The following RABEP1 variants were observed in gnomAD, a reference collection of about 807,000 sequenced individuals.
RABEP1 encodes the protein rabaptin, RAB GTPase binding effector protein 1, also known as rab GTPase-binding effector protein 1.
A neutral mutation model predicts 123.4 loss-of-function variants in RABEP1; 51 were observed. The ratio of observed to expected loss-of-function variants is 0.41; its 90% CI spans 0.33 to 0.52. RABEP1 has a LOEUF of 0.52. Ranked by LOEUF, RABEP1 falls within the 20% of genes least tolerant of loss-of-function variation. The probability of loss-of-function intolerance (pLI) is 0.16; values close to 1 mark genes in which losing one functional copy is unlikely to be tolerated. For synonymous variants in RABEP1, 347 were observed against 355.2 expected, an observed-to-expected ratio of 0.98 and a Z score of 0.26; for missense variants, 888 against 996.3, an observed-to-expected ratio of 0.89 and a Z score of 1.46.
chr17:5,370,205 T>C (rs1910418538), intron 12 of RABEP1, among the ~76,000 whole-genome samples: 1 of 152,216 alleles, frequency 6.6e-6, no homozygotes, highest in Admixed American at 6.5e-5. Context: ...TCTTAGTCTT[T>C]CTGTGTATGT....
At chr17:5,325,261 G>A (rs576278642) in intron 2 of RABEP1, among the ~76,000 whole-genome samples, 5 of 152,168 alleles carry the variant, frequency 3.3e-5, no homozygotes, top group Admixed American at 1.3e-4. Flanking sequence ...GCTTGAACCC[G>A]GGAGGTGGAG....
intron 2 of RABEP1, among the ~76,000 whole-genome samples, chr17:5,321,139 G>A (rs148181407): frequency 1.1e-3 from 174 of 151,746 alleles, no homozygotes; most frequent in Non-Finnish European, 1.7e-3. Context: ...GTGAGACCCT[G>A]GCTCTACAAA....
At chr17:5,320,020 C>A (rs1426520892) in intron 2 of RABEP1, among the ~76,000 whole-genome samples, 1 of 152,042 alleles carries the variant, frequency 6.6e-6, no homozygotes, top group Non-Finnish European at 1.5e-5. Context: ...TATCCACATG[C>A]AGGAAGGCCA....
At position 5,361,522 on chromosome 17, in the gene RABEP1, A is replaced by C. The variant is rs1259746734; in HGVS notation, c.1410A>C (p.Lys470Asn). 6.2e-7 allele frequency: 1 copy of C among 1,614,206 alleles called. No homozygotes were observed. ...LQMPSGFMLTKDQERAIKAMT... is the reference protein window; with the variant it reads ...LQMPSGFMLTNDQERAIKAMT... ...TGCCAAGTGGGTTTATGTTAACCAA[A>C]GATCAGGAAAGAGCAATCAAGGCGA... The change falls in exon 9 of 18, where the codon AAA (lysine) becomes AAC (asparagine). Residue 470 changes from lysine (K) to asparagine (N), a missense_variant. Coordinates refer to ENST00000537505, the MANE Select transcript of RABEP1 (RefSeq NM_004703.6).
At chr17:5,335,610 T>G (rs897467272) in intron 4 of RABEP1, among the ~76,000 whole-genome samples, 1 of 152,196 alleles carries the variant, frequency 6.6e-6, no homozygotes, top group Non-Finnish European at 1.5e-5. Flanking sequence ...AACTTCCCTC[T>G]GCCACCTGTC....
intron 1 of RABEP1, among the ~76,000 whole-genome samples, chr17:5,294,167 G>A (rs2075058640): frequency 6.6e-6 from 1 of 152,106 alleles, no homozygotes; most frequent in South Asian, 2.1e-4. Context: ...GGAGGCTGAG[G>A]CGGGGGAATC....
chr17:5,352,805 T>C (rs1321794296), intron 7 of RABEP1, among the ~76,000 whole-genome samples: 1 of 152,110 alleles, frequency 6.6e-6, no homozygotes, highest in African/African-American at 2.4e-5. Context: ...CACTCCAGCC[T>C]GGGTGACAAA....
intron 1 of RABEP1, among the ~76,000 whole-genome samples, chr17:5,289,198 A>G (rs967919049): frequency 2.8e-5 from 4 of 141,758 alleles, no homozygotes; most frequent in Admixed American, 1.5e-4. Context: ...CTCTTCTACT[A>G]TGAGTTGCTG....
intron 13 of RABEP1, among the ~76,000 whole-genome samples, chr17:5,376,810 GTAT>G (rs1911031962): frequency 6.6e-6 from 1 of 152,064 alleles, no homozygotes; most frequent in Non-Finnish European, 1.5e-5. Context: ...GGATTCTAAG[GTAT>G]TATTTCTATT....
intron 6 of RABEP1, among the ~76,000 whole-genome samples, chr17:5,349,060 C>T (rs1908303713): frequency 6.6e-6 from 1 of 152,178 alleles, no homozygotes; most frequent in Non-Finnish European, 1.5e-5. Context: ...CTACCTCCAG[C>T]CCTTGGCAAC....
intron 1 of RABEP1, among the ~76,000 whole-genome samples, chr17:5,295,814 T>G (rs1184588318): frequency 6.6e-6 from 1 of 152,202 alleles, no homozygotes; most frequent in African/African-American, 2.4e-5. Flanking sequence ...TCTTCAGTTT[T>G]CTGCTTTCTT....
chr17:5,292,787 T>C (rs1041665841), intron 1 of RABEP1, among the ~76,000 whole-genome samples: 2 of 152,096 alleles, frequency 1.3e-5, no homozygotes, highest in African/African-American at 4.8e-5. Context: ...GCTCAGGTGA[T>C]CCTCTCACCT....
At chr17:5,379,441 G>A (rs1472110847) in intron 15 of RABEP1, among the ~76,000 whole-genome samples, 1 of 152,108 alleles carries the variant, frequency 6.6e-6, no homozygotes, top group Non-Finnish European at 1.5e-5. Context: ...GAAGGAAAAA[G>A]TCTGTCTTTG....
chr17:5,384,794 A>G lies in RABEP1; in HGVS notation c.*1571A>G. The G allele has an allele frequency of 4.6e-6, 1 of 216,238 alleles. No homozygotes were observed. Among genetic ancestry groups the G allele is most frequent in the Non-Finnish European group, 9.3e-6 (1 of 107,830 alleles). The allele number at this position is 216,238 out of a possible 1,614,324, so 13.4% of individuals were successfully genotyped here. ...TAATTGGTTTAAAGTCCCTTTATAAAGAGTGCTACATGGTTTAGATAAAGG... is the reference window on the plus strand; with the variant it reads ...TAATTGGTTTAAAGTCCCTTTATAAGGAGTGCTACATGGTTTAGATAAAGG... On this transcript the variant is annotated 3_prime_UTR_variant, in exon 18 of 18. Coordinates refer to ENST00000537505, the MANE Select transcript of RABEP1 (RefSeq NM_004703.6).
rs146585957 is a variant in RABEP1, at chr17:5,299,719, C to CTTTTTTTTTTTTTTTTTTTTTTTTTTTT, written c.35-8970_35-8969insTTTTTTTTTTTTTTTTTTTTTTTTTTTT. Among the ~76,000 whole-genome samples, 27 of 98,848 alleles carry CTTTTTTTTTTTTTTTTTTTTTTTTTTTT rather than the reference C, an allele frequency of 2.7e-4. 4 individuals carry two copies. Among genetic ancestry groups the CTTTTTTTTTTTTTTTTTTTTTTTTTTTT allele is most frequent in the Admixed American group, 3.7e-4 (3 of 8,014 alleles). 64.8% of individuals were successfully genotyped at this position (98,848 alleles called of 152,430 possible). Reference sequence around the variant, plus strand: ...TCATTTCTTTTTCTTTTTTTCTTTTCTTTTTCTTTTTCTTTTTTTTTTTTT... The same window carrying CTTTTTTTTTTTTTTTTTTTTTTTTTTTT: ...TCATTTCTTTTTCTTTTTTTCTTTTCTTTTTTTTTTTTTTTTTTTTTTTTTTTTTTTTTCTTTTTCTTTTTTTTTTTTT... On this transcript the variant is annotated intron_variant, in intron 1 of 17. Coordinates refer to ENST00000537505, the MANE Select transcript of RABEP1 (RefSeq NM_004703.6).
At chr17:5,319,506 A>T (rs939587600) in intron 2 of RABEP1, among the ~76,000 whole-genome samples, 1 of 151,924 alleles carries the variant, frequency 6.6e-6, no homozygotes, top group Middle Eastern at 3.4e-3. Flanking sequence ...AGCTAGGATT[A>T]CAGGCGCCCG....
At chr17:5,292,449 G>A (rs1435828333) in intron 1 of RABEP1, among the ~76,000 whole-genome samples, 1 of 151,764 alleles carries the variant, frequency 6.6e-6, no homozygotes, top group Non-Finnish European at 1.5e-5. Flanking sequence ...GTGCAGTGGC[G>A]CGATCTTGGC....
intron 8 of RABEP1, among the ~76,000 whole-genome samples, chr17:5,357,798 A>G (rs1476811157): frequency 6.6e-6 from 1 of 152,222 alleles, no homozygotes; most frequent in Non-Finnish European, 1.5e-5. Context: ...GCATGGCCAC[A>G]GCAGGGAAGC....
At chr17:5,334,685 TAAAGAG>T (rs944812963) in intron 3 of RABEP1, among the ~76,000 whole-genome samples, 1 of 152,178 alleles carries the variant, frequency 6.6e-6, no homozygotes, top group Non-Finnish European at 1.5e-5. Context: ...AAGATTATAT[TAAAGAG>T]AAAGCGATTT....
Sources: gnomAD v4.1 joint callset for allele counts (sites outside exome capture counted in the v4.1 genomes callset) on GRCh38, gnomAD v4.1.1 for gene constraint, MANE v1.5 for transcripts, NCBI Gene and HGNC (gene_info 2026-07-23, HGNC 2026-07-21) for gene names.